The following TMEM108 variants were observed in gnomAD, a reference collection of about 807,000 sequenced individuals.
The protein encoded by TMEM108 is transmembrane protein 108.
Under a neutral mutation model 35.1 loss-of-function variants are expected in TMEM108, and 12 were observed. That is an observed-to-expected ratio of 0.34 (90% confidence interval 0.22 to 0.55). The LOEUF (loss-of-function observed/expected upper bound fraction) is 0.55. Ranked by LOEUF, TMEM108 falls within the 20% of genes least tolerant of loss-of-function variation. TMEM108 has a pLI of 0.89. For synonymous variants in TMEM108, 287 were observed against 308.6 expected (o/e 0.93, Z 0.73); for missense variants, 680 against 753.3 (o/e 0.90, Z 1.14).
At chr3:133,173,266 G>A (rs1454726513) in intron 2 of TMEM108, among the ~76,000 whole-genome samples, 1 of 152,200 alleles carries the variant, frequency 6.6e-6, no homozygotes. Context: ...TTCAATGCCA[G>A]TTTAGAAAGT....
chr3:133,066,086 G>T (rs2107685640), intron 2 of TMEM108, among the ~76,000 whole-genome samples: 1 of 152,024 alleles, frequency 6.6e-6, no homozygotes, highest in East Asian at 1.9e-4. Context: ...ATATTTGGTG[G>T]CCCAAACGTG....
At chr3:133,378,215 C>G (rs1394410654) in intron 3 of TMEM108, 4 of 465,640 alleles carry the variant, frequency 8.6e-6, no homozygotes, top group African/African-American at 2.1e-5. Flanking sequence ...CCACTCCCCA[C>G]CAATTTAGAA....
At chr3:133,383,107 C>A (rs2107847176) in intron 4 of TMEM108, among the ~76,000 whole-genome samples, 1 of 152,310 alleles carries the variant, frequency 6.6e-6, no homozygotes, top group African/African-American at 2.4e-5. Context: ...CCAATGAATT[C>A]TTAATAATGG....
At chr3:133,086,769 G>T (rs1447665516) in intron 2 of TMEM108, among the ~76,000 whole-genome samples, 1 of 152,148 alleles carries the variant, frequency 6.6e-6, no homozygotes, top group African/African-American at 2.4e-5. Flanking sequence ...TCCAGCAAAA[G>T]ACCTTGTTAG....
intron 2 of TMEM108, among the ~76,000 whole-genome samples, chr3:133,186,280 T>C (rs997098367): frequency 6.6e-6 from 1 of 152,258 alleles, no homozygotes; most frequent in Admixed American, 6.5e-5. Context: ...TGACACATTC[T>C]TGAATCTTAC....
At chr3:133,221,706 T>G (rs1945995576) in intron 2 of TMEM108, among the ~76,000 whole-genome samples, 1 of 147,584 alleles carries the variant, frequency 6.8e-6, no homozygotes, top group Admixed American at 6.9e-5. Context: ...TCCACTATAG[T>G]ATTTTGCTTT....
chr3:133,165,932 C>T (rs757181675), intron 2 of TMEM108, among the ~76,000 whole-genome samples: 7 of 152,266 alleles, frequency 4.6e-5, no homozygotes, highest in Middle Eastern at 3.4e-3. Context: ...CTTTTCAGGG[C>T]ATGAAGGCAC....
intron 3 of TMEM108, among the ~76,000 whole-genome samples, chr3:133,332,928 G>A (rs898559907): frequency 6.6e-6 from 1 of 152,194 alleles, no homozygotes; most frequent in Non-Finnish European, 1.5e-5. Flanking sequence ...GTTTGTCAAA[G>A]AATTAGACCA....
At chr3:133,309,858 G>A (rs1255560057) in intron 3 of TMEM108, among the ~76,000 whole-genome samples, 21 of 151,782 alleles carry the variant, frequency 1.4e-4, no homozygotes, top group Admixed American at 2.0e-4. Flanking sequence ...CAGCCGCTAC[G>A]CCCGGCTAAT....
chr3:133,260,088 G>T (rs16840105), intron 3 of TMEM108, among the ~76,000 whole-genome samples: 17,949 of 152,184 alleles, frequency 0.12, 1,474 homozygotes, highest in East Asian at 0.38. Flanking sequence ...GGTGTTAAGC[G>T]TCTTTGCTTC....
intron 3 of TMEM108, among the ~76,000 whole-genome samples, chr3:133,281,964 T>C (rs2107689148): frequency 1.3e-5 from 2 of 152,288 alleles, no homozygotes; most frequent in Middle Eastern, 3.4e-3. Context: ...GAGACCATCC[T>C]GGCTAACACG....
chr3:133,308,200 A>G (rs1367558078), intron 3 of TMEM108, among the ~76,000 whole-genome samples: 1 of 152,150 alleles, frequency 6.6e-6, no homozygotes, highest in Non-Finnish European at 1.5e-5. Context: ...TGATTTTTGC[A>G]TATGGGTTTT....
chr3:133,302,415 C>CTTTCTTTTTTTTTTT (rs1947240179), intron 3 of TMEM108, among the ~76,000 whole-genome samples: 2 of 110,102 alleles, frequency 1.8e-5, no homozygotes. Flanking sequence ...TTCTTTCTTT[C>CTTTCTTTTTTTTTTT]TTTTTTTTTT....
At chr3:133,204,627 A>G (rs1173172500) in intron 2 of TMEM108, among the ~76,000 whole-genome samples, 1 of 152,216 alleles carries the variant, frequency 6.6e-6, no homozygotes, top group African/African-American at 2.4e-5. Flanking sequence ...GACTTTCTTA[A>G]TACTGAGTTC....
At chr3:133,349,591 C>CA (rs34235202) in intron 3 of TMEM108, among the ~76,000 whole-genome samples, 53,043 of 147,462 alleles carry the variant, frequency 0.36, 9,404 homozygotes, top group East Asian at 0.48. Context: ...AACTTAATAG[C>CA]AAAAAAAAAA....
At chr3:133,313,806 C>T (rs989916030) in intron 3 of TMEM108, among the ~76,000 whole-genome samples, 26 of 152,006 alleles carry the variant, frequency 1.7e-4, no homozygotes, top group Non-Finnish European at 3.2e-4. Flanking sequence ...TTCTCAGTGT[C>T]CCTGGAAAAG....
Position 133,145,598 on chromosome 3 carries a change from C to T in TMEM108, c.-46-83668C>T, listed in dbSNP as rs139479074. Among the ~76,000 whole-genome samples the T allele has an allele frequency of 7.2e-3, 1,096 of 152,290 alleles. 14 individuals carry two copies. Among genetic ancestry groups the T allele is most frequent in the African/African-American group, 0.025 (1,044 of 41,546 alleles). On this transcript the variant is annotated intron_variant, in intron 2 of 5. Coordinates refer to ENST00000321871, the MANE Select transcript of TMEM108 (RefSeq NM_023943.4). ...GATATTGATTCTTCCTAACCATGAGCATAGAATGTTTTTCCATTTGTTTGT... is the reference window on the plus strand; with the variant it reads ...GATATTGATTCTTCCTAACCATGAGTATAGAATGTTTTTCCATTTGTTTGT...
intron 3 of TMEM108, among the ~76,000 whole-genome samples, chr3:133,235,754 C>T (rs934881897): frequency 6.6e-6 from 1 of 152,190 alleles, no homozygotes; most frequent in African/African-American, 2.4e-5. Flanking sequence ...AAAGCATTTT[C>T]CCATAATTTG....
chr3:133,271,947 A>G (rs1200142430), intron 3 of TMEM108, among the ~76,000 whole-genome samples: 2 of 152,236 alleles, frequency 1.3e-5, no homozygotes, highest in Non-Finnish European at 2.9e-5. Context: ...ATACAGAGGT[A>G]AATAGATTAG....
Sources: gnomAD v4.1 joint callset for allele counts (sites outside exome capture counted in the v4.1 genomes callset) on GRCh38, gnomAD v4.1.1 for gene constraint, MANE v1.5 for transcripts, NCBI Gene and HGNC (gene_info 2026-07-23, HGNC 2026-07-21) for gene names.